The following SPAG16 variants were observed in gnomAD, a reference collection of about 807,000 sequenced individuals.
The protein encoded by SPAG16 is sperm-associated antigen 16 protein.
In SPAG16, 86 loss-of-function variants were observed where a neutral mutation model predicts 80.4. The observed-to-expected ratio is 1.07, with a 90% CI of 0.90 to 1.28. The LOEUF is 1.28. Among genes scored for constraint, SPAG16 ranks in the 50% most tolerant of loss-of-function variants. SPAG16 has a pLI of 0.00. For missense variants in SPAG16, 870 were observed against 765.3 expected, an observed-to-expected ratio of 1.14 and a Z score of -1.61; for synonymous variants, 294 against 265.9, an observed-to-expected ratio of 1.11 and a Z score of -1.03.
chr2:213,840,663 C>A (rs2125753454), intron 10 of SPAG16, among the ~76,000 whole-genome samples: 1 of 152,188 alleles, frequency 6.6e-6, no homozygotes, highest in Non-Finnish European at 1.5e-5. Flanking sequence ...GTAGGAAGGG[C>A]TTCTTGGAAG....
At chr2:213,620,578 C>A (rs1180291797) in intron 10 of SPAG16, among the ~76,000 whole-genome samples, 1 of 152,014 alleles carries the variant, frequency 6.6e-6, no homozygotes, top group South Asian at 2.1e-4. Context: ...AGGCATGAGC[C>A]ACTGCGCCTG....
intron 10 of SPAG16, among the ~76,000 whole-genome samples, chr2:213,819,941 G>A (rs1217995420): frequency 7.6e-6 from 1 of 132,132 alleles, no homozygotes; most frequent in African/African-American, 2.9e-5. Context: ...AATTTTTCGT[G>A]TTTTTTTTTT....
intron 10 of SPAG16, among the ~76,000 whole-genome samples, chr2:213,782,272 C>A (rs1001689377): frequency 1.9e-4 from 28 of 151,282 alleles, no homozygotes; most frequent in African/African-American, 6.6e-4. Flanking sequence ...TGTTCTTCCT[C>A]CCATGGTAGA....
intron 15 of SPAG16, among the ~76,000 whole-genome samples, chr2:214,212,375 AT>A (rs1326992403): frequency 6.6e-6 from 1 of 152,060 alleles, no homozygotes. Flanking sequence ...TCCCTATGAT[AT>A]TAATTCCTCC....
chr2:214,237,952 G>A (rs1463738627), intron 15 of SPAG16, among the ~76,000 whole-genome samples: 1 of 152,164 alleles, frequency 6.6e-6, no homozygotes, highest in East Asian at 1.9e-4. Context: ...TTCTAAATCT[G>A]TAAGCTTTTT....
chr2:213,387,432 T>C lies in SPAG16; in HGVS notation c.942+12313T>C, dbSNP rs1464494823. On this transcript the variant is annotated intron_variant, in intron 9 of 15. Coordinates refer to ENST00000331683, the MANE Select transcript of SPAG16 (RefSeq NM_024532.5). Reference sequence around the variant, plus strand: ...TTGGGTTGGAATGAAATGCATGCTCTTTTTTTTTTTTTTTTTTTTTTTTTT... The same window carrying C: ...TTGGGTTGGAATGAAATGCATGCTCCTTTTTTTTTTTTTTTTTTTTTTTTT... Among the ~76,000 whole-genome samples the C allele has an allele frequency of 1.5e-3, 11 of 7,320 alleles. 1 individual carries two copies. Among genetic ancestry groups the C allele is most frequent in the African/African-American group, 3.3e-3 (9 of 2,746 alleles). 4.8% of individuals were successfully genotyped at this position (7,320 alleles called of 152,430 possible). A position where few individuals can be genotyped will look rare whatever the true frequency, so the allele number is the denominator to read the frequency against.
chr2:214,402,114 A>G (rs565806908), intron 15 of SPAG16, among the ~76,000 whole-genome samples: 1 of 152,156 alleles, frequency 6.6e-6, no homozygotes, highest in South Asian at 2.1e-4. Flanking sequence ...CTCTTGATAT[A>G]TTAACTAGTG....
At chr2:213,755,652 T>C (rs2068289678) in intron 10 of SPAG16, among the ~76,000 whole-genome samples, 1 of 152,192 alleles carries the variant, frequency 6.6e-6, no homozygotes, top group African/African-American at 2.4e-5. Context: ...TTGTAGAGCA[T>C]AGATTCTAAT....
chr2:213,505,165 A>T (rs2074917250), intron 10 of SPAG16, among the ~76,000 whole-genome samples: 1 of 152,144 alleles, frequency 6.6e-6, no homozygotes, highest in Non-Finnish European at 1.5e-5. Context: ...TGTGACCTTT[A>T]ATTTCACCTG....
chr2:213,738,063 G>T (rs2067375237), intron 10 of SPAG16, among the ~76,000 whole-genome samples: 1 of 151,898 alleles, frequency 6.6e-6, no homozygotes, highest in African/African-American at 2.4e-5. Context: ...AAAAACTTTA[G>T]CATTCAAATA....
At chr2:213,748,657 C>T (rs1260201835) in intron 10 of SPAG16, among the ~76,000 whole-genome samples, 3 of 152,016 alleles carry the variant, frequency 2.0e-5, no homozygotes, top group South Asian at 2.1e-4. Context: ...GACTATTATA[C>T]ATAATCTTGT....
At chr2:214,183,814 G>C (rs1272896749) in intron 15 of SPAG16, among the ~76,000 whole-genome samples, 1 of 151,926 alleles carries the variant, frequency 6.6e-6, no homozygotes, top group African/African-American at 2.4e-5. Context: ...CCAATGAAAG[G>C]CTTCACCGAA....
intron 12 of SPAG16, among the ~76,000 whole-genome samples, chr2:213,956,381 AT>A (rs1167321060): frequency 6.7e-6 from 1 of 150,158 alleles, no homozygotes; most frequent in African/African-American, 2.5e-5. Context: ...GTTTGTTCTT[AT>A]AGTTCCTTAA....
chr2:214,301,064 A>G (rs1378101800), intron 15 of SPAG16, among the ~76,000 whole-genome samples: 1 of 145,282 alleles, frequency 6.9e-6, no homozygotes, highest in Non-Finnish European at 1.5e-5. Context: ...TAATAATAAT[A>G]ATAAAAGTTA....
At chr2:213,313,844 G>A (rs781171452) in intron 4 of SPAG16, among the ~76,000 whole-genome samples, 6 of 151,672 alleles carry the variant, frequency 4.0e-5, no homozygotes, top group Non-Finnish European at 8.8e-5. Flanking sequence ...TGACATCCTC[G>A]GTTTGTACAG....
chr2:214,374,971 A>G (rs1324036394), intron 15 of SPAG16, among the ~76,000 whole-genome samples: 1 of 152,190 alleles, frequency 6.6e-6, no homozygotes, highest in African/African-American at 2.4e-5. Flanking sequence ...TCTTGTAGAA[A>G]GATCACCGTG....
At chr2:214,068,141 T>TATCA (rs1431807692) in intron 13 of SPAG16, among the ~76,000 whole-genome samples, 1 of 152,154 alleles carries the variant, frequency 6.6e-6, no homozygotes, top group Non-Finnish European at 1.5e-5. Context: ...TTCTGGTGTC[T>TATCA]ATCAATCAGT....
chr2:213,989,632 T>A (rs769529995), intron 12 of SPAG16, among the ~76,000 whole-genome samples: 3 of 152,154 alleles, frequency 2.0e-5, no homozygotes, highest in Non-Finnish European at 2.9e-5. Context: ...ATATGACTTC[T>A]AGTGGAAACA....
chr2:214,315,859 G>C (rs73084984), intron 15 of SPAG16, among the ~76,000 whole-genome samples: 3 of 152,038 alleles, frequency 2.0e-5, no homozygotes, highest in African/African-American at 7.2e-5. Flanking sequence ...CAAATTATGC[G>C]TAAGTATTTC....
Sources: gnomAD v4.1 joint callset for allele counts (sites outside exome capture counted in the v4.1 genomes callset) on GRCh38, gnomAD v4.1.1 for gene constraint, MANE v1.5 for transcripts, NCBI Gene and HGNC (gene_info 2026-07-23, HGNC 2026-07-21) for gene names.